The following CDH12 variants were observed in gnomAD, a reference collection of about 807,000 sequenced individuals.
The protein encoded by CDH12 is cadherin-12.
CDH12 carries 41 observed loss-of-function variants against 74.1 expected under a neutral mutation model. The ratio of observed to expected loss-of-function variants is 0.55; its 90% CI spans 0.43 to 0.72. CDH12 has a LOEUF of 0.72. Among genes scored for constraint, CDH12 ranks in the 30% least tolerant of loss-of-function variants. CDH12 has a pLI of 0.00. For missense variants in CDH12, 945 were observed against 977.2 expected (o/e 0.97, Z 0.44); for synonymous variants, 399 against 355.0 (o/e 1.12, Z -1.39).
At chr5:22,690,198 C>T (rs1267857871) in intron 1 of CDH12, among the ~76,000 whole-genome samples, 1 of 152,040 alleles carries the variant, frequency 6.6e-6, no homozygotes, top group Non-Finnish European at 1.5e-5. Flanking sequence ...TGTTGTATAC[C>T]ATGAAACATC....
At position 21,819,405 on chromosome 5, in the gene CDH12, T is replaced by G. The variant is rs1173500960; in HGVS notation, c.815-2273A>C. Among the ~76,000 whole-genome samples, 3 of 152,036 alleles carry G rather than the reference T, an allele frequency of 2.0e-5. No individual in the cohort carries two copies. The South Asian group carries it at 6.2e-4, about 32-fold the overall frequency. On this transcript the variant is annotated intron_variant, in intron 8 of 14. Coordinates refer to ENST00000382254, the MANE Select transcript of CDH12 (RefSeq NM_004061.5). ...GGCACAGAACGTGTAATTTTTCATT[T>G]TCCTTTTTTTCTTCTAAAATGCCCG...
chr5:22,785,208 G>A lies in CDH12; in HGVS notation c.-523+67850C>T, dbSNP rs538037243. Among the ~76,000 whole-genome samples the A allele has an allele frequency of 2.0e-5, 3 of 152,116 alleles. No individual in the cohort carries two copies. In the South Asian group the frequency reaches 6.2e-4, roughly 32 times the overall value. On this transcript the variant is annotated intron_variant, in intron 1 of 14. Transcript: ENST00000382254. ...AAGTAACCTTTTTTCTTGCTTCAGG[G>A]ATGACTTCTTACTTTGTGAAATTTT...
At chr5:22,016,781 G>A (rs1005479517) in intron 5 of CDH12, among the ~76,000 whole-genome samples, 1 of 152,074 alleles carries the variant, frequency 6.6e-6, no homozygotes, top group Non-Finnish European at 1.5e-5. Flanking sequence ...CTACTCTAGT[G>A]GTTTATTCTC....
intron 1 of CDH12, among the ~76,000 whole-genome samples, chr5:22,792,616 G>A (rs888723411): frequency 2.0e-5 from 3 of 152,112 alleles, no homozygotes; most frequent in Non-Finnish European, 4.4e-5. Context: ...TCAAAATCCA[G>A]CTTTACAAAG....
At chr5:22,214,864 C>G (rs1490629366) in intron 3 of CDH12, among the ~76,000 whole-genome samples, 2 of 152,114 alleles carry the variant, frequency 1.3e-5, no homozygotes, top group African/African-American at 4.8e-5. Flanking sequence ...CTTTCAAAAC[C>G]CTGAATGGTT....
chr5:22,562,404 T>A (rs866783014), intron 1 of CDH12, among the ~76,000 whole-genome samples: 6 of 152,168 alleles, frequency 3.9e-5, no homozygotes, highest in Admixed American at 2.6e-4. Flanking sequence ...TTTAAAAAAA[T>A]ACAAAATGAA....
At chr5:21,921,066 T>C (rs1324342616) in intron 6 of CDH12, among the ~76,000 whole-genome samples, 1 of 152,244 alleles carries the variant, frequency 6.6e-6, no homozygotes, top group East Asian at 1.9e-4. Context: ...ATTAAAATTG[T>C]CATCTCTCTT....
intron 1 of CDH12, among the ~76,000 whole-genome samples, chr5:22,580,007 C>T (rs562878655): frequency 2.6e-5 from 4 of 152,174 alleles, no homozygotes; most frequent in South Asian, 4.1e-4. Context: ...CTTTTTTCCC[C>T]GCTCACATTA....
intron 1 of CDH12, among the ~76,000 whole-genome samples, chr5:22,653,328 T>A (rs995459601): frequency 1.3e-5 from 2 of 152,144 alleles, no homozygotes; most frequent in Non-Finnish European, 2.9e-5. Context: ...CCTTTTAACA[T>A]CTTCACTTAA....
At chr5:22,277,605 G>T (rs1736689211) in intron 3 of CDH12, among the ~76,000 whole-genome samples, 1 of 100,630 alleles carries the variant, frequency 9.9e-6, no homozygotes, top group African/African-American at 3.6e-5. Context: ...GGCCAAAGAA[G>T]GGGGATCACC....
chr5:22,642,881 CTTACT>C (rs1426530710), intron 1 of CDH12, among the ~76,000 whole-genome samples: 3 of 151,950 alleles, frequency 2.0e-5, no homozygotes, highest in Non-Finnish European at 4.4e-5. Context: ...CAATTTCGTC[CTTACT>C]TTACTATTCT....
intron 1 of CDH12, among the ~76,000 whole-genome samples, chr5:22,579,686 C>A (rs1466065061): frequency 6.6e-6 from 1 of 152,072 alleles, no homozygotes; most frequent in Non-Finnish European, 1.5e-5. Context: ...CACAGAGACA[C>A]ACTACACAAT....
At chr5:22,262,982 A>G (rs533609559) in intron 3 of CDH12, among the ~76,000 whole-genome samples, 2 of 151,818 alleles carry the variant, frequency 1.3e-5, no homozygotes, top group African/African-American at 2.4e-5. Flanking sequence ...AACTCAAACA[A>G]ATTTACAAGA....
chr5:21,888,904 T>C (rs62350978), intron 6 of CDH12, among the ~76,000 whole-genome samples: 1 of 152,014 alleles, frequency 6.6e-6, no homozygotes, highest in Admixed American at 6.6e-5. Context: ...GATTTTAAGC[T>C]TCTATCATTA....
intron 1 of CDH12, among the ~76,000 whole-genome samples, chr5:22,669,323 C>T (rs919558841): frequency 1.3e-5 from 2 of 152,140 alleles, no homozygotes; most frequent in Non-Finnish European, 2.9e-5. Flanking sequence ...ATTAAACATA[C>T]ATATCCAAAT....
intron 3 of CDH12, among the ~76,000 whole-genome samples, chr5:22,327,428 C>CTGTGTG (rs71609761): frequency 0.015 from 1,535 of 103,298 alleles, 41 homozygotes; most frequent in Admixed American, 0.09. Flanking sequence ...ATTTGTGCCT[C>CTGTGTG]TGTGTGTGTG....
At position 21,802,295 on chromosome 5, in the gene CDH12, C is replaced by CAG; in HGVS notation, c.1126_1127dup (p.Asp377TrpfsTer3). Reference sequence around the variant, plus strand: ...TGAAAACCGGTGGCTCATCTACGTCCAGCACGCTGATCTTCACCGTAGCTG... The same window carrying CAG: ...TGAAAACCGGTGGCTCATCTACGTCCAGAGCACGCTGATCTTCACCGTAGCTG... On this transcript the variant is annotated frameshift_variant, in exon 10 of 15. Transcript: ENST00000382254. LOFTEE classifies it high-confidence loss of function. 1 of 1,613,874 alleles carries CAG rather than the reference C, an allele frequency of 6.2e-7. No homozygotes were observed. The highest frequency in any genetic ancestry group is 8.5e-7 in the Non-Finnish European group (1 of 1,179,962).
chr5:21,983,526 G>T (rs10074563), intron 5 of CDH12, among the ~76,000 whole-genome samples: 25,189 of 151,948 alleles, frequency 0.17, 2,396 homozygotes, highest in African/African-American at 0.25. Context: ...TTGCCTCCAG[G>T]TGCGAGTTTA....
intron 1 of CDH12, among the ~76,000 whole-genome samples, chr5:22,579,165 G>T (rs1322257057): frequency 1.3e-5 from 2 of 152,080 alleles, no homozygotes; most frequent in African/African-American, 4.8e-5. Context: ...ACTACTTATA[G>T]ATATGAGATC....
Sources: allele counts gnomAD v4.1 joint callset (sites outside exome capture counted in the v4.1 genomes callset), GRCh38; gene constraint gnomAD v4.1.1; transcripts MANE v1.5; gene names NCBI Gene and HGNC (gene_info 2026-07-23, HGNC 2026-07-21).